SNTG2: variants seen among roughly 807,000 people sequenced by gnomAD.
The protein encoded by SNTG2 is gamma-2-syntrophin.
Under a neutral mutation model 70.9 loss-of-function variants are expected in SNTG2, and 74 were observed. That is an observed-to-expected ratio of 1.04 (90% CI 0.86 to 1.27). The LOEUF (loss-of-function observed/expected upper bound fraction) is 1.27. Among genes scored for constraint, SNTG2 ranks in the 50% most tolerant of loss-of-function variants. SNTG2 has a pLI of 0.00. For missense variants in SNTG2, 717 were observed against 690.7 expected (o/e 1.04, Z -0.43); for synonymous variants, 278 against 273.8 (o/e 1.02, Z -0.15).
chr2:1,048,060 T>C (rs1376434617), intron 1 of SNTG2, among the ~76,000 whole-genome samples: 3 of 152,218 alleles, frequency 2.0e-5, no homozygotes, highest in Non-Finnish European at 4.4e-5. Flanking sequence ...CTTAACATTT[T>C]AATGTTATTT....
At chr2:1,221,172 C>T (rs1202265670) in intron 9 of SNTG2, among the ~76,000 whole-genome samples, 1 of 152,228 alleles carries the variant, frequency 6.6e-6, no homozygotes, top group South Asian at 2.1e-4. Flanking sequence ...GTGGTCCCCA[C>T]CCGCACTGTG....
chr2:1,180,799 CG>C (rs1671831194), intron 8 of SNTG2, among the ~76,000 whole-genome samples: 1 of 151,688 alleles, frequency 6.6e-6, no homozygotes. Context: ...TTCACAATAG[CG>C]AAGACTTGGA....
chr2:1,364,477 C>CCGGG (rs1315913125), intron 16 of SNTG2, among the ~76,000 whole-genome samples: 1 of 151,850 alleles, frequency 6.6e-6, no homozygotes, highest in Non-Finnish European at 1.5e-5. Context: ...AAAACCCTGG[C>CCGGG]CGGGCGCGGT....
rs79373341 is a variant in SNTG2, at chr2:1,063,830, A to T, written c.73-19688A>T. On this transcript the variant is annotated intron_variant, in intron 1 of 16. Coordinates refer to ENST00000308624, the MANE Select transcript of SNTG2 (RefSeq NM_018968.4). ...CATTTATGGATAATAGCAGAGTCCG[A>T]CTTAAGTAGATTCCCAGAAGAATGG... 9.2e-3 allele frequency among the ~76,000 whole-genome samples: 1,408 copies of T among 152,326 alleles called. 19 individuals carry two copies. The highest frequency in any genetic ancestry group is 0.032 in the African/African-American group (1,330 of 41,578).
chr2:1,253,990 C>T (rs1184052912), intron 12 of SNTG2, among the ~76,000 whole-genome samples: 1 of 152,154 alleles, frequency 6.6e-6, no homozygotes, highest in Admixed American at 6.5e-5. Flanking sequence ...ACAGTCAGAT[C>T]TCATGAAAAC....
chr2:960,973 C>T (rs758276710), intron 1 of SNTG2, among the ~76,000 whole-genome samples: 21 of 152,226 alleles, frequency 1.4e-4, no homozygotes, highest in Non-Finnish European at 2.5e-4. Flanking sequence ...TCACTCCCCG[C>T]CTGGACGGGC....
At chr2:1,220,208 G>A (rs1674660627) in intron 9 of SNTG2, among the ~76,000 whole-genome samples, 1 of 152,246 alleles carries the variant, frequency 6.6e-6, no homozygotes, top group East Asian at 1.9e-4. Context: ...AGGAAAGGGG[G>A]CTTGTTATGG....
chr2:987,217 A>T (rs1322720346), intron 1 of SNTG2, among the ~76,000 whole-genome samples: 2 of 152,148 alleles, frequency 1.3e-5, no homozygotes, highest in South Asian at 4.1e-4. Context: ...GGAGCCTGGG[A>T]TGGTTGTGCC....
In SNTG2 at chr2:1,247,451, T is replaced by C; in HGVS notation, c.1005+8T>C. On this transcript the variant is annotated splice_region_variant and intron_variant, in intron 12 of 16. Coordinates refer to ENST00000308624, the MANE Select transcript of SNTG2 (RefSeq NM_018968.4). ...GTTTTCAGCACTCCTCCGGTAAGGA[T>C]GCTTTTGACACTCCACAGGGAGGGG... 1 of 1,584,162 alleles carries C rather than the reference T, an allele frequency of 6.3e-7. No individual in the cohort carries two copies. The highest frequency in any genetic ancestry group is 8.7e-7 in the Non-Finnish European group (1 of 1,152,848).
chr2:1,199,058 C>T lies in SNTG2; in HGVS notation c.592-10045C>T, dbSNP rs960085284. ...ATGCCAGCATTACGTAATGCAAAAA[C>T]CAGAAAAGGACACAGCAAAGAAAGG... is the stretch of plus-strand genomic sequence containing the variant. On this transcript the variant is annotated intron_variant, in intron 8 of 16. Coordinates refer to ENST00000308624, the MANE Select transcript of SNTG2 (RefSeq NM_018968.4). Among the ~76,000 whole-genome samples, 18 of 151,464 alleles carry T rather than the reference C, an allele frequency of 1.2e-4. 1 individual carries two copies. The East Asian group carries it at 3.5e-3, about 30-fold the overall frequency.
chr2:1,242,027 A>G (rs1478447801), intron 11 of SNTG2, among the ~76,000 whole-genome samples: 1 of 152,204 alleles, frequency 6.6e-6, no homozygotes, highest in Admixed American at 6.5e-5. Context: ...AGTCCTATAC[A>G]ACTTTGAATT....
intron 8 of SNTG2, among the ~76,000 whole-genome samples, chr2:1,180,863 A>G (rs1184811554): frequency 6.6e-6 from 1 of 152,080 alleles, no homozygotes; most frequent in Non-Finnish European, 1.5e-5. Context: ...TGTGGCACAT[A>G]TGCACCATGG....
chr2:1,242,760 T>C (rs903674584), intron 11 of SNTG2: 14 of 152,226 alleles, frequency 9.2e-5, no homozygotes, highest in Non-Finnish European at 1.3e-4. Context: ...ACCAGCTGCA[T>C]GTTATCATCT....
chr2:1,327,253 A>G (rs990444724), intron 16 of SNTG2, among the ~76,000 whole-genome samples: 1 of 152,162 alleles, frequency 6.6e-6, no homozygotes, highest in Non-Finnish European at 1.5e-5. Flanking sequence ...TAATGGAACA[A>G]TGTTTCAATT....
intron 11 of SNTG2, among the ~76,000 whole-genome samples, chr2:1,240,383 TG>T (rs1274453337): frequency 3.3e-5 from 5 of 152,214 alleles, no homozygotes; most frequent in African/African-American, 7.2e-5. Context: ...GAAAACTCTA[TG>T]GTAATCAAGC....
chr2:1,092,172 T>C (rs1665069700), intron 2 of SNTG2, among the ~76,000 whole-genome samples: 1 of 152,192 alleles, frequency 6.6e-6, no homozygotes, highest in African/African-American at 2.4e-5. Flanking sequence ...CATGTGTGGG[T>C]GTGAAATAGA....
At chr2:1,051,704 C>T (rs897079861) in intron 1 of SNTG2, among the ~76,000 whole-genome samples, 2 of 152,316 alleles carry the variant, frequency 1.3e-5, no homozygotes, top group East Asian at 1.9e-4. Flanking sequence ...GAGAGGCCCA[C>T]GTGGCAAAAC....
intron 16 of SNTG2, among the ~76,000 whole-genome samples, chr2:1,349,787 CACAA>C (rs1397059787): frequency 6.6e-6 from 1 of 152,184 alleles, no homozygotes; most frequent in African/African-American, 2.4e-5. Context: ...AGCCCCAGGA[CACAA>C]ACAGTGTAAT....
chr2:1,054,187 C>T (rs950536873), intron 1 of SNTG2, among the ~76,000 whole-genome samples: 10 of 152,040 alleles, frequency 6.6e-5, no homozygotes, highest in East Asian at 1.9e-4. Context: ...TCCCGTGGTG[C>T]GGCTCGGGGG....
Sources: gnomAD v4.1 joint callset for allele counts (sites outside exome capture counted in the v4.1 genomes callset) on GRCh38, gnomAD v4.1.1 for gene constraint, MANE v1.5 for transcripts, NCBI Gene and HGNC (gene_info 2026-07-23, HGNC 2026-07-21) for gene names.